Variants in SLMAP observed in about 807,000 individuals in gnomAD.
The protein encoded by SLMAP is sarcolemmal membrane-associated protein.
In SLMAP, 44 loss-of-function variants were observed where a neutral mutation model predicts 128.8. The observed-to-expected ratio is 0.34, with a 90% CI of 0.27 to 0.44. SLMAP has a LOEUF of 0.44. Among genes scored for constraint, SLMAP ranks in the 20% least tolerant of loss-of-function variants. The probability of loss-of-function intolerance (pLI) is 1.00; values close to 1 mark genes in which losing one functional copy is unlikely to be tolerated. For synonymous variants in SLMAP, 327 were observed against 348.8 expected (o/e 0.94, Z 0.70); for missense variants, 787 against 985.3 (o/e 0.80, Z 2.69).
intron 2 of SLMAP, among the ~76,000 whole-genome samples, chr3:57,776,523 T>TCTCTCTC (rs1553775403): frequency 3.1e-5 from 1 of 32,778 alleles, no homozygotes; most frequent in East Asian, 4.4e-4. Flanking sequence ...TCTCTCTCTC[T>TCTCTCTC]TTTTTTTTTT....
chr3:57,897,228 G>C, intron 17 of SLMAP: 2 of 624,248 alleles, frequency 3.2e-6, no homozygotes, highest in Non-Finnish European at 4.7e-6. Flanking sequence ...ATTTATTAGC[G>C]CTTTTAACAT....
At chr3:57,821,947 C>T (rs553579101) in intron 2 of SLMAP, among the ~76,000 whole-genome samples, 1 of 152,008 alleles carries the variant, frequency 6.6e-6, no homozygotes, top group East Asian at 1.9e-4. Context: ...TCCTCTTTCT[C>T]CTTGCCTTTT....
chr3:57,825,841 G>A (rs114966661), intron 2 of SLMAP, among the ~76,000 whole-genome samples: 2,557 of 152,232 alleles, frequency 0.017, 63 homozygotes, highest in African/African-American at 0.059. Flanking sequence ...TGGGACTAGG[G>A]TAAGTAATGC....
intron 19 of SLMAP, among the ~76,000 whole-genome samples, chr3:57,910,382 C>T (rs996227062): frequency 1.3e-5 from 2 of 151,996 alleles, no homozygotes; most frequent in African/African-American, 4.8e-5. Context: ...TGGGGTTTCA[C>T]TATATTGGCC....
At chr3:57,849,204 T>G (rs1482199510) in intron 5 of SLMAP, among the ~76,000 whole-genome samples, 1 of 152,142 alleles carries the variant, frequency 6.6e-6, no homozygotes, top group East Asian at 1.9e-4. Context: ...TTGTTTGTTT[T>G]TCTTTTTAAT....
At chr3:57,774,509 AATTATT>A (rs66990452) in intron 2 of SLMAP, among the ~76,000 whole-genome samples, 85,945 of 147,208 alleles carry the variant, frequency 0.58, 25,890 homozygotes, top group East Asian at 0.98. Flanking sequence ...TTTAATAGAC[AATTATT>A]ATTATTATTA....
In SLMAP at chr3:57,912,441, T is replaced by C; in HGVS notation, c.1760T>C (p.Ile587Thr). 6.2e-7 allele frequency: 1 copy of C among 1,614,082 alleles called. No homozygotes were observed. The change falls in exon 20 of 25, where the codon ATC (isoleucine) becomes ACC (threonine). Residue 587 changes from isoleucine to threonine, a missense_variant. Physicochemically the swap from Ile to Thr is moderately conservative, Grantham distance 89 (BLOSUM62 -1). Transcript: ENST00000671191. ...ENLREEKDSE[I>T]TSTRDELLSA... is the part of the protein sequence containing the mutation. The stretch of plus-strand genomic sequence containing the variant: ...CTCCGGGAGGAGAAGGACAGTGAAA[T>C]CACAAGTACTAGAGATGAATTGCTT...
rs548215384 is a variant in SLMAP at position 57,778,164 on chromosome 3, TAGAAAC to T, written c.198+20319_198+20324del. On this transcript the variant is annotated intron_variant, in intron 2 of 24. Transcript: ENST00000671191. ...TAAACTATAAGTTCAATTTCTTTAA[TAGAAAC>T]AGAGCTTTTCTAGTCATCTATTTTT... Among the ~76,000 whole-genome samples the T allele has an allele frequency of 4.3e-3, 655 of 152,346 alleles. 2 individuals carry two copies. The highest frequency in any genetic ancestry group is 6.2e-3 in the Non-Finnish European group (425 of 68,036).
At chr3:57,918,160 T>C (rs2096849704) in intron 22 of SLMAP, 1 of 152,240 alleles carries the variant, frequency 6.6e-6, no homozygotes, top group Admixed American at 6.5e-5. Context: ...AGAAGAAATC[T>C]CATTTTATTT....
chr3:57,806,277 A>G (rs926776740), intron 2 of SLMAP, among the ~76,000 whole-genome samples: 5 of 151,666 alleles, frequency 3.3e-5, no homozygotes, highest in African/African-American at 1.2e-4. Context: ...CTCATTGTTC[A>G]GCTGCCACTT....
intron 14 of SLMAP, among the ~76,000 whole-genome samples, chr3:57,881,205 G>T (rs1489198327): frequency 6.6e-6 from 1 of 151,554 alleles, no homozygotes; most frequent in Non-Finnish European, 1.5e-5. Context: ...AAAAAAAAAA[G>T]TTTTAAAAAA....
chr3:57,797,449 A>G lies in SLMAP; in HGVS notation c.199-33934A>G, dbSNP rs906621050. On this transcript the variant is annotated intron_variant, in intron 2 of 24. Coordinates refer to ENST00000671191, the MANE Select transcript of SLMAP (RefSeq NM_001377540.1). ...CAGTGAGCTAAGATCGCGCCATTGCACTCCAGCCTGGGCAACAAGAATGAA... is the reference window on the plus strand; with the variant it reads ...CAGTGAGCTAAGATCGCGCCATTGCGCTCCAGCCTGGGCAACAAGAATGAA... Among the ~76,000 whole-genome samples, 9 of 149,324 alleles carry G rather than the reference A, an allele frequency of 6.0e-5. No homozygotes were observed. The Admixed American group carries it at 6.1e-4, about 10-fold the overall frequency.
At chr3:57,914,447 T>TA (rs765897613) in intron 21 of SLMAP, among the ~76,000 whole-genome samples, 8 of 151,994 alleles carry the variant, frequency 5.3e-5, no homozygotes, top group Non-Finnish European at 7.4e-5. Flanking sequence ...TTATAAGATG[T>TA]AAAAAACTTT....
intron 3 of SLMAP, among the ~76,000 whole-genome samples, chr3:57,837,161 C>A (rs1224451131): frequency 6.6e-6 from 1 of 152,158 alleles, no homozygotes; most frequent in Non-Finnish European, 1.5e-5. Flanking sequence ...CTTTCTTGAT[C>A]CTCAGGGCTG....
chr3:57,888,135 A>G (rs1293986271), intron 14 of SLMAP, among the ~76,000 whole-genome samples: 1 of 152,134 alleles, frequency 6.6e-6, no homozygotes, highest in African/African-American at 2.4e-5. Context: ...GATGTGATAA[A>G]TTACTTGGTG....
intron 2 of SLMAP, among the ~76,000 whole-genome samples, chr3:57,792,978 A>G (rs1453082857): frequency 6.6e-6 from 1 of 152,046 alleles, no homozygotes; most frequent in South Asian, 2.1e-4. Context: ...CTCTACCAAA[A>G]AATTGCAAAA....
At chr3:57,926,323 G>A (rs2097008348) in intron 24 of SLMAP, 1 of 174,698 alleles carries the variant, frequency 5.7e-6, no homozygotes, top group African/African-American at 2.4e-5. Flanking sequence ...TTTTCAGCCA[G>A]CCTTCTTCCC....
intron 2 of SLMAP, among the ~76,000 whole-genome samples, chr3:57,782,718 C>T (rs980215019): frequency 9.2e-5 from 14 of 152,308 alleles, no homozygotes; most frequent in African/African-American, 3.4e-4. Flanking sequence ...AGCAGTCTGT[C>T]CACCTTGGCC....
chr3:57,848,308 C>T (rs912770942), intron 5 of SLMAP, among the ~76,000 whole-genome samples: 1 of 149,522 alleles, frequency 6.7e-6, no homozygotes, highest in Non-Finnish European at 1.5e-5. Context: ...TCCTCCTTCT[C>T]TCCCTTCTTC....
Sources: allele counts gnomAD v4.1 joint callset (sites outside exome capture counted in the v4.1 genomes callset), GRCh38; gene constraint gnomAD v4.1.1; transcripts MANE v1.5; gene names NCBI Gene and HGNC (gene_info 2026-07-23, HGNC 2026-07-21).